The following METTL24 variants were observed in gnomAD, a reference collection of about 807,000 sequenced individuals.
The protein encoded by METTL24 is probable methyltransferase-like protein 24.
METTL24 carries 29 observed loss-of-function variants against 32.7 expected under a neutral mutation model. The observed-to-expected ratio is 0.89, with a 90% confidence interval of 0.66 to 1.21. The LOEUF (loss-of-function observed/expected upper bound fraction) is 1.21, where lower values mean the gene tolerates loss of function less well. Among genes scored for constraint, METTL24 ranks in the 50% most tolerant of loss-of-function variants. METTL24 has a pLI of 0.00. For missense variants in METTL24, 439 were observed against 468.1 expected (o/e 0.94, Z 0.57); for synonymous variants, 163 against 179.5 (o/e 0.91, Z 0.73).
chr6:110,298,398 G>T (rs1461631243), intron 4 of METTL24, among the ~76,000 whole-genome samples: 1 of 152,128 alleles, frequency 6.6e-6, no homozygotes, highest in Non-Finnish European at 1.5e-5. Context: ...TATATAATTT[G>T]TAATGTACAT....
intron 1 of METTL24, among the ~76,000 whole-genome samples, chr6:110,344,764 A>G (rs1357028894): frequency 6.6e-6 from 1 of 152,192 alleles, no homozygotes; most frequent in Non-Finnish European, 1.5e-5. Flanking sequence ...TCCTTGTACC[A>G]TACACAAAAA....
chr6:110,265,744 G>C (rs990076936), intron 4 of METTL24, among the ~76,000 whole-genome samples: 2 of 152,070 alleles, frequency 1.3e-5, no homozygotes, highest in Admixed American at 6.6e-5. Flanking sequence ...ATGGAACTTG[G>C]GTTCTTGATG....
chr6:110,315,548 A>G, intron 2 of METTL24, 67 bp from the exon 3 acceptor site: 1 of 1,535,556 alleles, frequency 6.5e-7, no homozygotes, highest in African/African-American at 1.4e-5. Flanking sequence ...GTAGGGACTT[A>G]TTGCTTCCCC....
chr6:110,280,858 G>T (rs1262303907), intron 4 of METTL24, among the ~76,000 whole-genome samples: 1 of 151,960 alleles, frequency 6.6e-6, no homozygotes, highest in Non-Finnish European at 1.5e-5. Context: ...TCACTGTGTT[G>T]CCCAGGCTGG....
At position 110,247,427 on chromosome 6, in the gene METTL24, T is replaced by G. The variant is rs566881108; in HGVS notation, c.787-1167A>C. 7.9e-5 allele frequency among the ~76,000 whole-genome samples: 12 copies of G among 152,116 alleles called. No individual in the cohort carries two copies. The East Asian group carries it at 2.1e-3, about 27-fold the overall frequency. On this transcript the variant is annotated intron_variant, in intron 4 of 4. Coordinates refer to ENST00000338882, the MANE Select transcript of METTL24 (RefSeq NM_001123364.3). ...AAGAGGAAAAATGGGTAACTCAGAG[T>G]CTCAAAGAGGTTTGGAGTTTGGAAA...
intron 4 of METTL24, among the ~76,000 whole-genome samples, chr6:110,260,919 G>C (rs918098925): frequency 3.9e-5 from 6 of 152,184 alleles, no homozygotes; most frequent in Non-Finnish European, 7.3e-5. Context: ...CAAATGCTGA[G>C]AGATTTTGTC....
chr6:110,353,418 C>T (rs935835437), intron 1 of METTL24, among the ~76,000 whole-genome samples: 2 of 152,102 alleles, frequency 1.3e-5, no homozygotes, highest in Non-Finnish European at 2.9e-5. Context: ...TATCAGGGGG[C>T]ATCCCATACC....
chr6:110,356,625 T>A (rs974688901), intron 1 of METTL24, among the ~76,000 whole-genome samples: 30 of 152,100 alleles, frequency 2.0e-4, no homozygotes, highest in Non-Finnish European at 7.4e-5. Context: ...CCCACGAGAA[T>A]CTGAACTCGT....
intron 1 of METTL24, among the ~76,000 whole-genome samples, chr6:110,356,170 G>A (rs1323118151): frequency 6.6e-6 from 1 of 152,170 alleles, no homozygotes; most frequent in Non-Finnish European, 1.5e-5. Context: ...TTGGCCAGGC[G>A]CAGTGGCTCA....
chr6:110,323,153 C>G (rs747017424), intron 1 of METTL24, among the ~76,000 whole-genome samples: 31 of 152,214 alleles, frequency 2.0e-4, no homozygotes, highest in Non-Finnish European at 2.9e-4. Flanking sequence ...TGATCAAAGG[C>G]AAACTCCACT....
chr6:110,278,778 T>A (rs552933109), intron 4 of METTL24, among the ~76,000 whole-genome samples: 9 of 152,216 alleles, frequency 5.9e-5, no homozygotes, highest in African/African-American at 2.2e-4. Context: ...CACTAACACT[T>A]TGGGAGGCCG....
At chr6:110,254,828 T>C (rs1289653488) in intron 4 of METTL24, among the ~76,000 whole-genome samples, 2 of 152,312 alleles carry the variant, frequency 1.3e-5, no homozygotes, top group Admixed American at 6.5e-5. Context: ...TATTTAATGA[T>C]AAAATATATC....
intron 4 of METTL24, among the ~76,000 whole-genome samples, chr6:110,295,773 C>T (rs1015844833): frequency 3.9e-4 from 45 of 114,182 alleles, no homozygotes; most frequent in Admixed American, 1.9e-3. Context: ...ATATTTTCCC[C>T]GGGAAAGAAA....
intron 1 of METTL24, among the ~76,000 whole-genome samples, chr6:110,325,016 T>C (rs1254379758): frequency 5.9e-5 from 9 of 152,190 alleles, no homozygotes; most frequent in Non-Finnish European, 1.3e-4. Flanking sequence ...AAATCATAAA[T>C]TATCAACACA....
chr6:110,305,266 G>T (rs1771606539), intron 3 of METTL24, among the ~76,000 whole-genome samples: 1 of 151,962 alleles, frequency 6.6e-6, no homozygotes, highest in Admixed American at 6.6e-5. Context: ...CATAGGCATG[G>T]GCAAAGCCTT....
chr6:110,278,715 A>T (rs1395614426), intron 4 of METTL24, among the ~76,000 whole-genome samples: 1 of 152,154 alleles, frequency 6.6e-6, no homozygotes, highest in Non-Finnish European at 1.5e-5. Flanking sequence ...TTCATATAGG[A>T]AATCTTACTT....
At chr6:110,336,543 A>G (rs1280386282) in intron 1 of METTL24, among the ~76,000 whole-genome samples, 1 of 152,102 alleles carries the variant, frequency 6.6e-6, no homozygotes. Flanking sequence ...GATAGAGACC[A>G]TCCTGGCTAA....
In METTL24 at chr6:110,298,985, G is replaced by C. The variant is rs1162085540; in HGVS notation, c.723C>G (p.Ala241=). ...DWRDPHPAVA[A]QKPHSNTRKL... ...TTCTGGTGTTGCTATGTGGTTTTTG[G>C]GCAGCAACAGCTGGATGGGGATCCC... Residue 241 remains alanine, a synonymous_variant, in exon 4 of 5, where the codon GCC becomes GCG. Coordinates refer to ENST00000338882, the MANE Select transcript of METTL24 (RefSeq NM_001123364.3). 9 of 1,613,982 alleles carry C rather than the reference G, an allele frequency of 5.6e-6. No individual in the cohort carries two copies. The highest frequency in any genetic ancestry group is 6.8e-6 in the Non-Finnish European group (8 of 1,180,032).
At chr6:110,262,752 A>G (rs1308542180) in intron 4 of METTL24, among the ~76,000 whole-genome samples, 1 of 152,246 alleles carries the variant, frequency 6.6e-6, no homozygotes, top group Non-Finnish European at 1.5e-5. Flanking sequence ...CCAGCAGCAT[A>G]TCAAAAAGCT....
Sources: gnomAD v4.1 joint callset for allele counts (sites outside exome capture counted in the v4.1 genomes callset) on GRCh38, gnomAD v4.1.1 for gene constraint, MANE v1.5 for transcripts, NCBI Gene and HGNC (gene_info 2026-07-23, HGNC 2026-07-21) for gene names.